Variants in PTPRK observed in about 807,000 individuals in gnomAD.
PTPRK encodes protein tyrosine phosphatase receptor type K.
Under a neutral mutation model 178.0 loss-of-function variants are expected in PTPRK, and 75 were observed. That is an observed-to-expected ratio of 0.42 (90% CI 0.35 to 0.51). The LOEUF (loss-of-function observed/expected upper bound fraction) is 0.51, where lower values mean the gene tolerates loss of function less well. Among genes scored for constraint, PTPRK ranks in the 20% least tolerant of loss-of-function variants. PTPRK has a pLI of 0.02. For missense variants in PTPRK, 1,441 were observed against 1,797.8 expected, an observed-to-expected ratio of 0.80 and a Z score of 3.59; for synonymous variants, 637 against 620.6, an observed-to-expected ratio of 1.03 and a Z score of -0.39.
chr6:128,387,122 T>C (rs562770728), intron 2 of PTPRK, among the ~76,000 whole-genome samples: 2 of 152,244 alleles, frequency 1.3e-5, no homozygotes, highest in East Asian at 3.9e-4. Context: ...TTTTTGTTGT[T>C]TTAAACAAGA....
At chr6:128,462,368 G>A (rs867828099) in intron 1 of PTPRK, among the ~76,000 whole-genome samples, 1 of 151,892 alleles carries the variant, frequency 6.6e-6, no homozygotes, top group Admixed American at 6.6e-5. Context: ...ATCCAATATA[G>A]CCAAAATATT....
intron 7 of PTPRK, among the ~76,000 whole-genome samples, chr6:128,106,404 G>A (rs7769070): frequency 0.058 from 8,773 of 151,388 alleles, 334 homozygotes; most frequent in Middle Eastern, 0.099. Flanking sequence ...ATTGAGTTTT[G>A]ATTTTCAAAA....
At chr6:128,235,753 C>T (rs1813132596) in intron 5 of PTPRK, 1 of 345,308 alleles carries the variant, frequency 2.9e-6, no homozygotes, top group African/African-American at 2.2e-5. Context: ...ATCGTCATGG[C>T]TCAATGATCT....
intron 1 of PTPRK, among the ~76,000 whole-genome samples, chr6:128,489,331 G>A (rs1853431347): frequency 6.6e-6 from 1 of 152,206 alleles, no homozygotes; most frequent in Non-Finnish European, 1.5e-5. Flanking sequence ...TCCAAAGGCA[G>A]TTTATGTTTA....
At position 127,976,573 on chromosome 6, in the gene PTPRK, C is replaced by T. The variant is rs149100289; in HGVS notation, c.3969+84G>A. 1,316 of 1,498,840 alleles carry T rather than the reference C, an allele frequency of 8.8e-4. 17 individuals are homozygous for T. The African/African-American group carries it at 0.016, about 18-fold the overall frequency. 92.8% of individuals were successfully genotyped at this position (1,498,840 alleles called of 1,614,324 possible). On this transcript the variant is annotated intron_variant, in intron 27 of 29. Transcript: ENST00000368226. Reference sequence around the variant, plus strand: ...TATAGTGCTTATTAATTGTAGTCTCCCTGTTGTCTGAATAAAATTATACCA... The same window carrying T: ...TATAGTGCTTATTAATTGTAGTCTCTCTGTTGTCTGAATAAAATTATACCA...
intron 13 of PTPRK, among the ~76,000 whole-genome samples, chr6:128,013,172 T>C (rs1213196514): frequency 6.6e-6 from 1 of 151,422 alleles, no homozygotes; most frequent in Non-Finnish European, 1.5e-5. Context: ...TTCCATGAAC[T>C]TGGGTACCTC....
intron 7 of PTPRK, among the ~76,000 whole-genome samples, chr6:128,160,595 G>C (rs893699204): frequency 6.6e-6 from 1 of 151,620 alleles, no homozygotes; most frequent in Non-Finnish European, 1.5e-5. Context: ...TTAGCCATGT[G>C]CTTGGCCACA....
intron 2 of PTPRK, among the ~76,000 whole-genome samples, chr6:128,347,169 A>G (rs1832537878): frequency 6.6e-6 from 1 of 152,160 alleles, no homozygotes; most frequent in African/African-American, 2.4e-5. Context: ...ACAAATTTCT[A>G]TTTTAACCTT....
At chr6:128,405,794 G>A (rs1002221371) in intron 1 of PTPRK, among the ~76,000 whole-genome samples, 5 of 151,744 alleles carry the variant, frequency 3.3e-5, no homozygotes, top group Admixed American at 2.0e-4. Context: ...ACAGAATTCC[G>A]TGACCCAACC....
chr6:128,486,913 A>T (rs1291482914), intron 1 of PTPRK, among the ~76,000 whole-genome samples: 2 of 151,950 alleles, frequency 1.3e-5, no homozygotes, highest in African/African-American at 4.8e-5. Flanking sequence ...TAATTGACAT[A>T]GATATCACTT....
chr6:128,383,701 A>G (rs984534881), intron 2 of PTPRK, among the ~76,000 whole-genome samples: 1 of 152,190 alleles, frequency 6.6e-6, no homozygotes, highest in Non-Finnish European at 1.5e-5. Context: ...GCTAAACTGC[A>G]CAACACTGAA....
At chr6:128,339,746 G>A (rs1831420105) in intron 2 of PTPRK, among the ~76,000 whole-genome samples, 1 of 152,136 alleles carries the variant, frequency 6.6e-6, no homozygotes, top group African/African-American at 2.4e-5. Flanking sequence ...AGCTCATGGT[G>A]ACAAATTGCT....
At chr6:127,984,286 T>C (rs1249926077) in intron 22 of PTPRK, among the ~76,000 whole-genome samples, 1 of 152,192 alleles carries the variant, frequency 6.6e-6, no homozygotes, top group East Asian at 1.9e-4. Flanking sequence ...ACATTATCAT[T>C]TACCAGACTC....
At chr6:128,435,025 TAAGACAGG>T (rs1845335048) in intron 1 of PTPRK, among the ~76,000 whole-genome samples, 1 of 96,242 alleles carries the variant, frequency 1.0e-5, no homozygotes, top group Non-Finnish European at 2.1e-5. Flanking sequence ...AAGAAGGAAG[TAAGACAGG>T]AAGGCAGGAA....
At chr6:128,440,188 T>A (rs1846103303) in intron 1 of PTPRK, among the ~76,000 whole-genome samples, 1 of 152,182 alleles carries the variant, frequency 6.6e-6, no homozygotes, top group South Asian at 2.1e-4. Context: ...TCCCCATATT[T>A]ACCCAGAGAC....
At chr6:128,274,068 A>G (rs543356705) in intron 3 of PTPRK, among the ~76,000 whole-genome samples, 10 of 151,876 alleles carry the variant, frequency 6.6e-5, no homozygotes, top group African/African-American at 2.4e-4. Flanking sequence ...AGACTCTGTT[A>G]TGCAAGGTAC....
At chr6:128,041,204 TAAAAC>T (rs1487765432) in intron 13 of PTPRK, among the ~76,000 whole-genome samples, 2 of 152,060 alleles carry the variant, frequency 1.3e-5, no homozygotes, top group African/African-American at 2.4e-5. Context: ...TTTAAACACA[TAAAAC>T]AAACTCAAAG....
chr6:128,187,717 A>G (rs949696879), intron 6 of PTPRK, among the ~76,000 whole-genome samples: 2 of 152,142 alleles, frequency 1.3e-5, no homozygotes, highest in Admixed American at 6.6e-5. Flanking sequence ...TCAGGCCAAA[A>G]ATGGGGGCAG....
intron 7 of PTPRK, among the ~76,000 whole-genome samples, chr6:128,112,378 A>G (rs577309261): frequency 1.2e-4 from 19 of 152,218 alleles, no homozygotes; most frequent in Middle Eastern, 3.4e-3. Context: ...TCTTGGATGG[A>G]AAGACATTAA....
Sources: gnomAD v4.1 joint callset for allele counts (sites outside exome capture counted in the v4.1 genomes callset) on GRCh38, gnomAD v4.1.1 for gene constraint, MANE v1.5 for transcripts, NCBI Gene and HGNC (gene_info 2026-07-23, HGNC 2026-07-21) for gene names.